Variants in STK38 observed in about 807,000 individuals in gnomAD.
STK38 encodes serine/threonine kinase 38, also known as serine/threonine-protein kinase 38.
Under a neutral mutation model 59.0 loss-of-function variants are expected in STK38, and 26 were observed. That is an observed-to-expected ratio of 0.44 (90% CI 0.32 to 0.61). The LOEUF is 0.61. Among genes scored for constraint, STK38 ranks in the 20% least tolerant of loss-of-function variants. STK38 has a pLI of 0.04. For synonymous variants in STK38, 175 were observed against 176.6 expected (o/e 0.99, Z 0.07); for missense variants, 433 against 566.0 (o/e 0.76, Z 2.38).
intron 8 of STK38, among the ~76,000 whole-genome samples, chr6:36,507,176 T>C (rs775965918): frequency 4.0e-5 from 6 of 150,294 alleles, no homozygotes; most frequent in Non-Finnish European, 8.8e-5. Flanking sequence ...AGGACAAATC[T>C]AGCCCAGGAC....
Position 36,515,400 on chromosome 6 carries a change from T to C in STK38, c.607A>G (p.Ile203Val), listed in dbSNP as rs1426617277. ...IAETVLAIDS[I>V]HQLGFIHRDI... ...CTGTGGATGAATCCAAGTTGGTGAATAGAGTCTATGGCTAATACTGTTTCT... is the reference window on the plus strand; with the variant it reads ...CTGTGGATGAATCCAAGTTGGTGAACAGAGTCTATGGCTAATACTGTTTCT... Residue 203 changes from isoleucine (I) to valine (V), a missense_variant, in exon 7 of 14, where the codon ATT (isoleucine) becomes GTT (valine). Physicochemically the swap from Ile to Val is conservative, Grantham distance 29. Coordinates refer to ENST00000229812, the MANE Select transcript of STK38 (RefSeq NM_007271.4). The C allele has an allele frequency of 3.7e-6, 6 of 1,613,966 alleles. No individual in the cohort carries two copies. In the African/African-American group the frequency reaches 6.7e-5, roughly 18 times the overall value.
chr6:36,532,426 G>A (rs1205547532), intron 2 of STK38, among the ~76,000 whole-genome samples: 1 of 151,872 alleles, frequency 6.6e-6, no homozygotes, highest in Non-Finnish European at 1.5e-5. Context: ...AATAAAGCCT[G>A]AAAGTCTTAT....
At position 36,525,614 on chromosome 6, in the gene STK38, C is replaced by T; in HGVS notation, c.160G>A (p.Glu54Lys). The change falls in exon 3 of 14, where the codon GAA becomes AAA. Residue 54 changes from glutamate to lysine, a missense_variant. Physicochemically the swap from Glu to Lys is moderately conservative, Grantham distance 56 (BLOSUM62 1). Coordinates refer to ENST00000229812, the MANE Select transcript of STK38 (RefSeq NM_007271.4). Reference sequence around the variant, plus strand: ...ACCTCCTCATCTTTTAGGCCTTCTTCTTCCATCACCTTTTCTAACTTCTTT... The same window carrying T: ...ACCTCCTCATCTTTTAGGCCTTCTTTTTCCATCACCTTTTCTAACTTCTTT... ...RQKKLEKVME[E>K]EGLKDEEKRL... 6.2e-7 allele frequency: 1 copy of T among 1,613,820 alleles called. No individual in the cohort carries two copies. The highest frequency in any genetic ancestry group is 2.2e-5 in the East Asian group (1 of 44,864).
rs1422169184 is a variant in STK38, at chr6:36,517,852, T to C, written c.391-12A>G. On this transcript the variant is annotated splice_polypyrimidine_tract_variant and intron_variant, in intron 5 of 13. Coordinates refer to ENST00000229812, the MANE Select transcript of STK38 (RefSeq NM_007271.4). ...CGAATGTGGCCAACCTGGAGGTATA[T>C]GCATTTGATTAATGACAAAGCTTGC... The C allele has an allele frequency of 3.1e-6, 5 of 1,611,662 alleles. No homozygotes were observed. Among genetic ancestry groups the C allele is most frequent in the African/African-American group, 2.7e-5 (2 of 74,844 alleles).
In STK38 at chr6:36,527,207, A is replaced by AAAATATAT. The variant is rs60162863; in HGVS notation, c.132-1566_132-1565insATATATTT. Among the ~76,000 whole-genome samples, 257 of 119,330 alleles carry AAAATATAT rather than the reference A, an allele frequency of 2.2e-3. 4 individuals are homozygous for AAAATATAT. Among genetic ancestry groups the AAAATATAT allele is most frequent in the African/African-American group, 4.8e-3 (138 of 28,574 alleles). The allele number at this position is 119,330 out of a possible 152,430, so 78.3% of individuals were successfully genotyped here. On this transcript the variant is annotated intron_variant, in intron 2 of 13. Transcript: ENST00000229812. ...ACTCCGTCTCAAAAAAAAAAAAAAA[A>AAAATATAT]ATATATGTATATATATATATATTTA...
chr6:36,516,284 A>G (rs1424812682), intron 6 of STK38, among the ~76,000 whole-genome samples: 1 of 152,234 alleles, frequency 6.6e-6, no homozygotes, highest in African/African-American at 2.4e-5. Flanking sequence ...TACCAGCAAC[A>G]TAAAATGGCA....
At chr6:36,500,561 A>C (rs1377150536) in intron 9 of STK38, among the ~76,000 whole-genome samples, 2 of 151,916 alleles carry the variant, frequency 1.3e-5, no homozygotes, top group African/African-American at 2.4e-5. Flanking sequence ...AGAGATGGAG[A>C]CCATCCTGGC....
chr6:36,497,801 C>T lies in STK38; in HGVS notation c.1151G>A (p.Gly384Asp), dbSNP rs775349162. 3 of 1,613,110 alleles carry T rather than the reference C, an allele frequency of 1.9e-6. No homozygotes were observed. Among genetic ancestry groups the T allele is most frequent in the African/African-American group, 1.3e-5 (1 of 74,758 alleles). Residue 384 changes from glycine (G) to aspartate (D), a missense_variant, in exon 12 of 14, where the codon GGC (glycine) becomes GAC (aspartate). By Grantham distance (94) the Gly-to-Asp change is moderately conservative. Coordinates refer to ENST00000229812, the MANE Select transcript of STK38 (RefSeq NM_007271.4). ...EEIKSNSFFEGVDWEHIRERP... is the reference protein window; with the variant it reads ...EEIKSNSFFEDVDWEHIRERP... ...ATACCTGATATGTTCCCAGTCAACG[C>T]CTTCAAAAAAAGAGTTACTTTTTAT...
At chr6:36,537,743 T>G (rs1315897158) in intron 2 of STK38, among the ~76,000 whole-genome samples, 3 of 151,486 alleles carry the variant, frequency 2.0e-5, no homozygotes, top group Non-Finnish European at 4.4e-5. Context: ...ACAGAAAATT[T>G]TAAAAATTAG....
intron 10 of STK38, 51 bp downstream of exon 10, chr6:36,499,822 A>G: frequency 7.1e-7 from 1 of 1,412,378 alleles, no homozygotes; most frequent in Non-Finnish European, 1.0e-6. Context: ...TATCAATGTA[A>G]AAGTCTGTCA....
At chr6:36,508,211 T>C (rs1257447831) in intron 7 of STK38, among the ~76,000 whole-genome samples, 1 of 152,142 alleles carries the variant, frequency 6.6e-6, no homozygotes, top group Non-Finnish European at 1.5e-5. Context: ...TCTGAGATTA[T>C]AGGCATGCGC....
chr6:36,530,458 G>A (rs562689880), intron 2 of STK38, among the ~76,000 whole-genome samples: 12 of 151,486 alleles, frequency 7.9e-5, no homozygotes, highest in South Asian at 6.3e-4. Context: ...TCTGCCTCCC[G>A]GGTACAAGTG....
intron 2 of STK38, 106 bp downstream of exon 2, chr6:36,539,966 A>T: frequency 6.5e-7 from 1 of 1,530,726 alleles, no homozygotes. Context: ...ATAGTCTATA[A>T]TAAGGCTGCT....
intron 12 of STK38, among the ~76,000 whole-genome samples, chr6:36,497,337 C>G (rs975543330): frequency 6.6e-6 from 1 of 152,242 alleles, no homozygotes; most frequent in African/African-American, 2.4e-5. Flanking sequence ...TGGCCGTAGT[C>G]TACTACCCCC....
intron 2 of STK38, among the ~76,000 whole-genome samples, chr6:36,525,994 G>A (rs973500284): frequency 5.7e-4 from 87 of 152,180 alleles, no homozygotes; most frequent in Admixed American, 5.6e-3. Context: ...AGGACTACAG[G>A]CGCGTGCCAC....
rs181854483 is a variant in STK38, at chr6:36,522,917, T to C, written c.307-1100A>G. Among the ~76,000 whole-genome samples the C allele has an allele frequency of 3.4e-5, 5 of 149,252 alleles. No individual in the cohort carries two copies. The East Asian group carries it at 9.8e-4, about 29-fold the overall frequency. On this transcript the variant is annotated intron_variant, in intron 4 of 13. Coordinates refer to ENST00000229812, the MANE Select transcript of STK38 (RefSeq NM_007271.4). ...ATTCAAAATGTGTAATTAGGGAAATTGTGTTTTATGTAGTTTTCCTTCTCT... is the reference window on the plus strand; with the variant it reads ...ATTCAAAATGTGTAATTAGGGAAATCGTGTTTTATGTAGTTTTCCTTCTCT...
At chr6:36,505,915 C>A (rs145825349) in intron 9 of STK38, among the ~76,000 whole-genome samples, 1 of 152,284 alleles carries the variant, frequency 6.6e-6, no homozygotes, top group East Asian at 1.9e-4. Context: ...ACCAATTTAT[C>A]AGCTATTGGC....
intron 6 of STK38, among the ~76,000 whole-genome samples, chr6:36,516,260 T>G (rs1178437135): frequency 1.3e-5 from 2 of 152,166 alleles, no homozygotes; most frequent in Non-Finnish European, 2.9e-5. Context: ...AAGTCAAAAT[T>G]TCATCATTTC....
At chr6:36,547,001 C>T (rs1267917909) in intron 1 of STK38, among the ~76,000 whole-genome samples, 189 bp downstream of exon 1, 1 of 151,516 alleles carries the variant, frequency 6.6e-6, no homozygotes, top group Non-Finnish European at 1.5e-5. Context: ...CAACAAGGGG[C>T]ATCTGGAGAC....
Sources: allele counts gnomAD v4.1 joint callset (sites outside exome capture counted in the v4.1 genomes callset), GRCh38; gene constraint gnomAD v4.1.1; transcripts MANE v1.5; gene names NCBI Gene and HGNC (gene_info 2026-07-23, HGNC 2026-07-21).